Variants in SMAD6 observed in about 807,000 individuals in gnomAD.
SMAD6 encodes SMAD family member 6, also known as MAD homolog 6.
Under a neutral mutation model 39.4 loss-of-function variants are expected in SMAD6, and 103 were observed. The observed-to-expected ratio is 2.62, with a 90% CI of 2.23 to 3.08. SMAD6 has a LOEUF of 3.08. Ranked by LOEUF, SMAD6 falls within the 30% of genes most tolerant of loss-of-function variation. The probability of loss-of-function intolerance (pLI) is 0.00; values close to 1 mark genes in which losing one functional copy is unlikely to be tolerated. For synonymous variants in SMAD6, 445 were observed against 353.3 expected, an observed-to-expected ratio of 1.26 and a Z score of -2.91; for missense variants, 1,104 against 742.9, an observed-to-expected ratio of 1.49 and a Z score of -5.65.
At chr15:66,769,283 T>C (rs755734715) in intron 3 of SMAD6, among the ~76,000 whole-genome samples, 2 of 152,192 alleles carry the variant, frequency 1.3e-5, no homozygotes, top group Non-Finnish European at 2.9e-5. Flanking sequence ...GCTTTCACCA[T>C]CTTGAAAATC....
At chr15:66,755,497 T>C (rs1433508217) in intron 3 of SMAD6, among the ~76,000 whole-genome samples, 1 of 152,216 alleles carries the variant, frequency 6.6e-6, no homozygotes, top group Non-Finnish European at 1.5e-5. Context: ...ATTCCAGGTA[T>C]TGAACCATCC....
intron 3 of SMAD6, among the ~76,000 whole-genome samples, chr15:66,749,974 C>G (rs538841449): frequency 6.6e-6 from 1 of 152,132 alleles, no homozygotes; most frequent in African/African-American, 2.4e-5. Context: ...CCAGCCCTGG[C>G]GAGGTTTTGT....
intron 2 of SMAD6, among the ~76,000 whole-genome samples, chr15:66,713,543 C>A (rs1216383409): frequency 2.0e-5 from 3 of 152,252 alleles, no homozygotes; most frequent in Non-Finnish European, 4.4e-5. Flanking sequence ...TGGTCTCGAT[C>A]TCCTGACCTT....
intron 3 of SMAD6, among the ~76,000 whole-genome samples, chr15:66,772,381 G>A (rs1278141965): frequency 6.6e-6 from 1 of 152,150 alleles, no homozygotes; most frequent in Non-Finnish European, 1.5e-5. Flanking sequence ...TTTGGTAAAG[G>A]TTTCTTAAAT....
intron 3 of SMAD6, among the ~76,000 whole-genome samples, chr15:66,719,846 A>G (rs1051098486): frequency 2.0e-5 from 3 of 152,004 alleles, no homozygotes; most frequent in Non-Finnish European, 2.9e-5. Context: ...TCAGCTCCCA[A>G]TTTGGATACG....
At chr15:66,718,677 C>T (rs115035621) in intron 3 of SMAD6, among the ~76,000 whole-genome samples, 142 of 152,152 alleles carry the variant, frequency 9.3e-4, no homozygotes, top group African/African-American at 3.2e-3. Context: ...CCACTGTTAG[C>T]TTTTCCAGCT....
chr15:66,763,562 C>T (rs1894240343), intron 3 of SMAD6, among the ~76,000 whole-genome samples: 1 of 152,258 alleles, frequency 6.6e-6, no homozygotes, highest in African/African-American at 2.4e-5. Flanking sequence ...AGGACCGACG[C>T]ACCCTCTCCA....
chr15:66,761,980 G>A lies in SMAD6; in HGVS notation c.953-19017G>A, dbSNP rs116461030. ...TTTGAATTGGGAGCAAGGAAGTGACGCTCAGAACTCCCAGGCTGCGGCGTC... is the reference window on the plus strand; with the variant it reads ...TTTGAATTGGGAGCAAGGAAGTGACACTCAGAACTCCCAGGCTGCGGCGTC... On this transcript the variant is annotated intron_variant, in intron 3 of 3. Coordinates refer to ENST00000288840, the MANE Select transcript of SMAD6 (RefSeq NM_005585.5). 6.7e-3 allele frequency among the ~76,000 whole-genome samples: 1,024 copies of A among 152,292 alleles called. 9 individuals are homozygous for A. Among genetic ancestry groups the A allele is most frequent in the African/African-American group, 0.023 (966 of 41,542 alleles).
chr15:66,744,383 G>T (rs533822671), intron 3 of SMAD6, among the ~76,000 whole-genome samples: 1 of 152,290 alleles, frequency 6.6e-6, no homozygotes, highest in East Asian at 1.9e-4. Context: ...CGGCTTCCAT[G>T]TGCCTCAAGG....
At position 66,703,792 on chromosome 15, in the gene SMAD6, G is replaced by C. The variant is rs1347835213; in HGVS notation, c.534G>C (p.Ser178=). The stretch of plus-strand genomic sequence containing the variant: ...AGGAACTCAAAACCGTCACGTACTC[G>C]CTGCTGAAGCGGCTCAAGGAGCGCT... ...LEQELKTVTY[S]LLKRLKERSL... is the part of the protein sequence containing the mutation. The change falls in exon 1 of 4, where the codon TCG becomes TCC. Residue 178 remains serine, a synonymous_variant. Transcript: ENST00000288840. 2 of 1,439,168 alleles carry C rather than the reference G, an allele frequency of 1.4e-6. No individual in the cohort carries two copies. The highest frequency in any genetic ancestry group is 1.8e-6 in the Non-Finnish European group (2 of 1,085,526). The allele number at this position is 1,439,168 out of a possible 1,614,324, so 89.1% of individuals were successfully genotyped here.
intron 3 of SMAD6, among the ~76,000 whole-genome samples, chr15:66,722,387 A>G (rs2140613761): frequency 6.6e-6 from 1 of 152,352 alleles, no homozygotes; most frequent in South Asian, 2.1e-4. Context: ...AGGGCATTTC[A>G]TCTGGGTGAA....
intron 3 of SMAD6, among the ~76,000 whole-genome samples, chr15:66,765,800 T>A (rs1391476908): frequency 2.6e-5 from 4 of 152,188 alleles, no homozygotes. Context: ...CTGTTATTTT[T>A]AACTCTGGTG....
intron 3 of SMAD6, among the ~76,000 whole-genome samples, chr15:66,780,742 G>C (rs112037118): frequency 6.6e-6 from 1 of 152,216 alleles, no homozygotes. Flanking sequence ...GCACACAACA[G>C]GTGCTCTCTG....
rs1894589985 is a variant in SMAD6 at position 66,782,135 on chromosome 15, AG to A, written c.*601del. 1 of 388,070 alleles carries A rather than the reference AG, an allele frequency of 2.6e-6. No homozygotes were observed. The highest frequency in any genetic ancestry group is 2.1e-5 in the African/African-American group (1 of 48,410). The allele number at this position is 388,070 out of a possible 1,614,324, so 24.0% of individuals were successfully genotyped here. A position where few individuals can be genotyped will look rare whatever the true frequency, so the allele number is the denominator to read the frequency against. On this transcript the variant is annotated 3_prime_UTR_variant, in exon 4 of 4. Coordinates refer to ENST00000288840, the MANE Select transcript of SMAD6 (RefSeq NM_005585.5). ...ACAGAACAAATTGAAAAGGGAGGAA[AG>A]TCACATTTACTCTTAAGTAAACCAG...
chr15:66,779,784 C>G (rs1595803759), intron 3 of SMAD6, among the ~76,000 whole-genome samples: 1 of 152,376 alleles, frequency 6.6e-6, no homozygotes, highest in Middle Eastern at 3.4e-3. Flanking sequence ...GAACGCCTCC[C>G]TCTGCACAGG....
rs1324304922 is a variant in SMAD6, at chr15:66,741,968, A to G, written c.952+25470A>G. 4.6e-5 allele frequency among the ~76,000 whole-genome samples: 7 copies of G among 152,242 alleles called. No individual in the cohort carries two copies. The South Asian group carries it at 1.5e-3, about 32-fold the overall frequency. The stretch of plus-strand genomic sequence containing the variant: ...GTTTTCAGGCCCTTTATGAGTGAAG[A>G]TGAGAACTTTCTGAGAGGAGGAAGC... On this transcript the variant is annotated intron_variant, in intron 3 of 3. Transcript: ENST00000288840.
chr15:66,703,671 CCCGGGACGCCAGCGACCCCCTGG>C lies in SMAD6; in HGVS notation c.419_441del (p.Asp140GlyfsTer155). On this transcript the variant is annotated frameshift_variant, in exon 1 of 4. Coordinates refer to ENST00000288840, the MANE Select transcript of SMAD6 (RefSeq NM_005585.5). LOFTEE classifies it high-confidence loss of function. Reference sequence around the variant, plus strand: ...TCGGAGCGGGACGCCGCCGGCGCGCCCCGGGACGCCAGCGACCCCCTGGCCGGGGCGGCCCTGGAGCCGGCGGG... The same window carrying C: ...TCGGAGCGGGACGCCGCCGGCGCGCCCCGGGGCGGCCCTGGAGCCGGCGGG... 1 of 1,232,632 alleles carries C rather than the reference CCCGGGACGCCAGCGACCCCCTGG, an allele frequency of 8.1e-7. No individual in the cohort carries two copies. The highest frequency in any genetic ancestry group is 1.0e-6 in the Non-Finnish European group (1 of 987,092). The allele number at this position is 1,232,632 out of a possible 1,614,324, so 76.4% of individuals were successfully genotyped here.
chr15:66,757,872 G>A (rs537110634), intron 3 of SMAD6, among the ~76,000 whole-genome samples: 20 of 152,314 alleles, frequency 1.3e-4, no homozygotes, highest in South Asian at 1.2e-3. Flanking sequence ...CTCTGCAGAC[G>A]TGGTGGTGGT....
intron 3 of SMAD6, among the ~76,000 whole-genome samples, chr15:66,746,700 T>C (rs1893915252): frequency 1.3e-5 from 2 of 152,186 alleles, no homozygotes; most frequent in Non-Finnish European, 2.9e-5. Flanking sequence ...CTTTTGGCTG[T>C]GGCTGATTTT....
Sources: gnomAD v4.1 joint callset for allele counts (sites outside exome capture counted in the v4.1 genomes callset) on GRCh38, gnomAD v4.1.1 for gene constraint, MANE v1.5 for transcripts, NCBI Gene and HGNC (gene_info 2026-07-23, HGNC 2026-07-21) for gene names.